Variants in SLC22A15 observed in about 807,000 individuals in gnomAD.
SLC22A15 encodes the protein solute carrier family 22 member 15.
A neutral mutation model predicts 62.7 loss-of-function variants in SLC22A15; 45 were observed. The observed-to-expected ratio is 0.72, with a 90% CI of 0.56 to 0.92. The LOEUF is 0.92. Ranked by LOEUF, SLC22A15 falls within the 40% of genes least tolerant of loss-of-function variation. The pLI is 0.00. For synonymous variants in SLC22A15, 264 were observed against 267.0 expected (o/e 0.99, Z 0.11); for missense variants, 622 against 665.6 (o/e 0.93, Z 0.72).
At chr1:116,055,853 C>T (rs1658192735) in intron 8 of SLC22A15, among the ~76,000 whole-genome samples, 1 of 147,954 alleles carries the variant, frequency 6.8e-6, no homozygotes, top group African/African-American at 2.5e-5. Flanking sequence ...CAAAATTCAA[C>T]AACACTTCAT....
At chr1:116,040,059 T>C (rs1309580818) in intron 8 of SLC22A15, among the ~76,000 whole-genome samples, 2 of 152,204 alleles carry the variant, frequency 1.3e-5, no homozygotes, top group African/African-American at 4.8e-5. Flanking sequence ...CCAACTCAGG[T>C]GACCCTCTAC....
chr1:116,017,204 C>T (rs562628432), intron 2 of SLC22A15, among the ~76,000 whole-genome samples: 2 of 151,792 alleles, frequency 1.3e-5, no homozygotes, highest in East Asian at 1.9e-4. Context: ...ATGTCACCTC[C>T]GCCCAGAATC....
intron 2 of SLC22A15, among the ~76,000 whole-genome samples, chr1:115,992,503 G>T (rs1407844091): frequency 1.3e-5 from 2 of 152,144 alleles, no homozygotes; most frequent in South Asian, 2.1e-4. Flanking sequence ...ACAGTATGTT[G>T]ATTATGATGT....
chr1:116,065,396 G>T (rs2101578601), intron 10 of SLC22A15, among the ~76,000 whole-genome samples: 1 of 152,230 alleles, frequency 6.6e-6, no homozygotes, highest in African/African-American at 2.4e-5. Flanking sequence ...GTTTTATTCT[G>T]CAAAATATAG....
intron 1 of SLC22A15, among the ~76,000 whole-genome samples, chr1:115,977,505 A>T (rs1205313309): frequency 6.6e-5 from 10 of 152,238 alleles, no homozygotes; most frequent in Non-Finnish European, 1.2e-4. Context: ...GGCTCATTTG[A>T]CATTAGTCGC....
chr1:116,037,826 C>T (rs1295578610), intron 8 of SLC22A15, among the ~76,000 whole-genome samples: 1 of 152,154 alleles, frequency 6.6e-6, no homozygotes, highest in African/African-American at 2.4e-5. Context: ...TCTCAAGGAA[C>T]TCCGACAACA....
chr1:116,000,072 C>T (rs1570707961), intron 2 of SLC22A15, among the ~76,000 whole-genome samples: 2 of 152,078 alleles, frequency 1.3e-5, no homozygotes, highest in East Asian at 3.9e-4. Flanking sequence ...CATTCTGTAT[C>T]TTTCGATTGG....
chr1:116,002,272 G>A (rs2101146564), intron 2 of SLC22A15, among the ~76,000 whole-genome samples: 1 of 152,214 alleles, frequency 6.6e-6, no homozygotes. Context: ...ACTACCACTG[G>A]GACTGTACTG....
At chr1:116,053,942 G>A (rs1470733402) in intron 8 of SLC22A15, among the ~76,000 whole-genome samples, 4 of 152,012 alleles carry the variant, frequency 2.6e-5, no homozygotes, top group African/African-American at 9.7e-5. Context: ...ACCAGCCGCT[G>A]CAAAATCATG....
intron 6 of SLC22A15, among the ~76,000 whole-genome samples, chr1:116,033,423 C>A (rs1371433127): frequency 6.6e-6 from 1 of 152,236 alleles, no homozygotes; most frequent in South Asian, 2.1e-4. Context: ...GGACAATGGG[C>A]CTTCCATGCT....
intron 1 of SLC22A15, among the ~76,000 whole-genome samples, chr1:115,983,807 A>G (rs369749189): frequency 6.6e-6 from 1 of 152,208 alleles, no homozygotes. Context: ...TGCCACGCCA[A>G]TGAGGTGGAC....
chr1:116,067,288 A>C lies in SLC22A15; in HGVS notation c.*180A>C, dbSNP rs1475842723. ...GAAGTTGGAGAAGAGATTTCATGAA[A>C]GACAACATCACTGCATTGAGAGAAT... On this transcript the variant is annotated 3_prime_UTR_variant, in exon 12 of 12. Transcript: ENST00000369503. 5.1e-6 allele frequency: 3 copies of C among 587,696 alleles called. No homozygotes were observed. The highest frequency in any genetic ancestry group is 9.1e-6 in the Non-Finnish European group (3 of 331,288). 36.4% of individuals were successfully genotyped at this position (587,696 alleles called of 1,614,324 possible).
At chr1:116,006,641 T>C (rs376952802) in intron 2 of SLC22A15, among the ~76,000 whole-genome samples, 2 of 152,104 alleles carry the variant, frequency 1.3e-5, no homozygotes, top group Admixed American at 6.5e-5. Context: ...TGTCAATCTG[T>C]ATCTCTGTGT....
At chr1:116,057,891 A>C (rs2101556844) in intron 8 of SLC22A15, among the ~76,000 whole-genome samples, 1 of 152,100 alleles carries the variant, frequency 6.6e-6, no homozygotes, top group East Asian at 1.9e-4. Context: ...GGAACATCAC[A>C]CTCTGGGGAC....
chr1:116,061,197 G>A (rs1020895053), intron 8 of SLC22A15, among the ~76,000 whole-genome samples: 2 of 152,098 alleles, frequency 1.3e-5, no homozygotes, highest in African/African-American at 2.4e-5. Flanking sequence ...GAGAGAACTC[G>A]AAATCCCAAT....
At chr1:115,982,820 T>C (rs554720586) in intron 1 of SLC22A15, among the ~76,000 whole-genome samples, 39 of 152,358 alleles carry the variant, frequency 2.6e-4, no homozygotes, top group African/African-American at 9.1e-4. Flanking sequence ...CAAAAGTTTT[T>C]TTCATCCTCA....
intron 1 of SLC22A15, among the ~76,000 whole-genome samples, chr1:115,982,067 T>C (rs556455014): frequency 6.6e-6 from 1 of 152,342 alleles, no homozygotes; most frequent in Admixed American, 6.5e-5. Flanking sequence ...TGCCCAACAA[T>C]TAATTGGCCT....
At chr1:116,003,886 G>A (rs901142594) in intron 2 of SLC22A15, among the ~76,000 whole-genome samples, 5 of 152,158 alleles carry the variant, frequency 3.3e-5, no homozygotes, top group African/African-American at 1.2e-4. Flanking sequence ...AATAAACATA[G>A]AAATTGACCC....
intron 1 of SLC22A15, among the ~76,000 whole-genome samples, chr1:115,978,871 C>T (rs2101040800): frequency 6.6e-6 from 1 of 152,196 alleles, no homozygotes; most frequent in Admixed American, 6.5e-5. Context: ...TACACAGTTG[C>T]CTTAAATGAA....
Sources: gnomAD v4.1 joint callset for allele counts (sites outside exome capture counted in the v4.1 genomes callset) on GRCh38, gnomAD v4.1.1 for gene constraint, MANE v1.5 for transcripts, NCBI Gene and HGNC (gene_info 2026-07-23, HGNC 2026-07-21) for gene names.